Variants in MYO16 observed in about 807,000 individuals in gnomAD.
MYO16 encodes unconventional myosin-XVI.
A neutral mutation model predicts 205.3 loss-of-function variants in MYO16; 94 were observed. The ratio of observed to expected loss-of-function variants is 0.46; its 90% CI spans 0.39 to 0.54. The LOEUF is 0.54. MYO16 is among the 20% of genes least tolerant of loss of function. The probability of loss-of-function intolerance (pLI) is 0.00; values close to 1 mark genes in which losing one functional copy is unlikely to be tolerated. For missense variants in MYO16, 2,315 were observed against 2,387.5 expected, an observed-to-expected ratio of 0.97 and a Z score of 0.63; for synonymous variants, 988 against 954.0, an observed-to-expected ratio of 1.04 and a Z score of -0.66.
At chr13:109,001,808 G>C (rs1416371146) in intron 21 of MYO16, among the ~76,000 whole-genome samples, 1 of 151,928 alleles carries the variant, frequency 6.6e-6, no homozygotes, top group Non-Finnish European at 1.5e-5. Flanking sequence ...TCCCCAATGG[G>C]CTTCTGCTTA....
chr13:108,821,664 G>A (rs919579816), intron 8 of MYO16, among the ~76,000 whole-genome samples: 36 of 152,066 alleles, frequency 2.4e-4, no homozygotes, highest in African/African-American at 7.0e-4. Context: ...GACTCCCATG[G>A]CATACTCTCA....
intron 23 of MYO16, among the ~76,000 whole-genome samples, chr13:109,035,657 G>C (rs574926003): frequency 1.3e-5 from 2 of 152,108 alleles, no homozygotes; most frequent in Non-Finnish European, 2.9e-5. Flanking sequence ...GCACTCCAGC[G>C]CGGGTGACAA....
intron 32 of MYO16, chr13:109,164,093 T>G (rs1319424955): frequency 2.0e-5 from 3 of 152,180 alleles, no homozygotes; most frequent in Non-Finnish European, 4.4e-5. Flanking sequence ...CAGGTGCACC[T>G]GTGAAGTCAG....
intron 4 of MYO16, among the ~76,000 whole-genome samples, chr13:108,780,854 G>A (rs753154344): frequency 5.9e-5 from 9 of 152,084 alleles, no homozygotes; most frequent in East Asian, 3.9e-4. Flanking sequence ...TAATAAGGCC[G>A]GCTTCTATAT....
intron 23 of MYO16, among the ~76,000 whole-genome samples, chr13:109,031,435 C>T (rs951900151): frequency 6.6e-6 from 1 of 152,122 alleles, no homozygotes; most frequent in African/African-American, 2.4e-5. Flanking sequence ...TCTGATAACT[C>T]TCTTCAAAGT....
At chr13:108,820,244 C>T (rs975450639) in intron 7 of MYO16, 93 bp from the exon 8 acceptor site, 19 of 867,666 alleles carry the variant, frequency 2.2e-5, no homozygotes, top group Middle Eastern at 2.4e-4. Context: ...TGTCTCATGC[C>T]GGCTGTTAGT....
chr13:108,968,575 G>A (rs1341424210), intron 20 of MYO16, among the ~76,000 whole-genome samples: 3 of 152,062 alleles, frequency 2.0e-5, no homozygotes, highest in East Asian at 1.9e-4. Flanking sequence ...GCAGTAAGCC[G>A]AGATCGTGCC....
chr13:108,841,799 A>T (rs181803784), intron 9 of MYO16, among the ~76,000 whole-genome samples: 9 of 152,290 alleles, frequency 5.9e-5, no homozygotes, highest in Admixed American at 1.3e-4. Flanking sequence ...GCAAAGTTGA[A>T]AGCATCACAT....
intron 22 of MYO16, among the ~76,000 whole-genome samples, chr13:109,015,325 G>C (rs1475176245): frequency 6.6e-6 from 1 of 152,172 alleles, no homozygotes; most frequent in Admixed American, 6.5e-5. Flanking sequence ...TTTGATCATG[G>C]TGGATAAGCT....
intron 16 of MYO16, among the ~76,000 whole-genome samples, chr13:108,942,101 C>A (rs1044256415): frequency 1.3e-5 from 2 of 152,198 alleles, no homozygotes; most frequent in African/African-American, 2.4e-5. Flanking sequence ...ACCAGAGAGG[C>A]TAACAGGCCT....
rs1346050536 is a variant in MYO16, at chr13:108,991,797, G to T, written c.2370-579G>T. On this transcript the variant is annotated intron_variant, in intron 20 of 34. Transcript: ENST00000457511. The stretch of plus-strand genomic sequence containing the variant: ...GACATGTAGGCTCAGTTCCTTAAGG[G>T]AAAAGAAGTCCAACCTAAGGAGATA... Among the ~76,000 whole-genome samples the T allele has an allele frequency of 3.3e-5, 5 of 152,306 alleles. No individual in the cohort carries two copies. In the East Asian group the frequency reaches 9.6e-4, roughly 29 times the overall value.
chr13:108,586,010 A>G, the MYO16 span, among the ~76,000 whole-genome samples: 1 of 152,210 alleles, frequency 6.6e-6, no homozygotes, highest in African/African-American at 2.4e-5. Flanking sequence ...TAGAAGTTTC[A>G]ATAAGTTACC....
At chr13:108,906,615 C>T (rs1339029374) in intron 15 of MYO16, among the ~76,000 whole-genome samples, 1 of 152,162 alleles carries the variant, frequency 6.6e-6, no homozygotes, top group Admixed American at 6.6e-5. Flanking sequence ...TTATTGCAAA[C>T]AGCCTGGGCT....
chr13:108,771,230 C>T (rs1410118778), intron 4 of MYO16, among the ~76,000 whole-genome samples: 1 of 151,856 alleles, frequency 6.6e-6, no homozygotes, highest in Non-Finnish European at 1.5e-5. Context: ...TTTCTATTAG[C>T]GCATGAATAC....
At chr13:108,676,372 C>CGCGTGTGTGTGTGT (rs1555337822) in intron 2 of MYO16, among the ~76,000 whole-genome samples, 1 of 131,672 alleles carries the variant, frequency 7.6e-6, no homozygotes, top group Non-Finnish European at 1.6e-5. Context: ...TATATGTACG[C>CGCGTGTGTGTGTGT]GTGTGTGTGT....
intron 9 of MYO16, among the ~76,000 whole-genome samples, chr13:108,838,690 T>TAA (rs1487944143): frequency 7.4e-6 from 1 of 135,906 alleles, no homozygotes; most frequent in South Asian, 2.3e-4. Context: ...TATATATATA[T>TAA]ACACACACAC....
At chr13:108,913,752 T>C (rs186320369) in intron 16 of MYO16, among the ~76,000 whole-genome samples, 1 of 152,350 alleles carries the variant, frequency 6.6e-6, no homozygotes, top group African/African-American at 2.4e-5. Context: ...GGACGAACTA[T>C]AACCTAGCTT....
intron 1 of MYO16, among the ~76,000 whole-genome samples, chr13:108,622,996 A>C (rs1879600401): frequency 6.6e-6 from 1 of 150,720 alleles, no homozygotes; most frequent in South Asian, 2.1e-4. Context: ...AGAGAAAAGG[A>C]AACAAATTTT....
At chr13:108,951,332 CATGAT>C (rs1363318116) in intron 16 of MYO16, among the ~76,000 whole-genome samples, 1 of 152,074 alleles carries the variant, frequency 6.6e-6, no homozygotes, top group Non-Finnish European at 1.5e-5. Context: ...GCCAAAACCT[CATGAT>C]ATGAAGTTAA....
Sources: allele counts gnomAD v4.1 joint callset (sites outside exome capture counted in the v4.1 genomes callset), GRCh38; gene constraint gnomAD v4.1.1; transcripts MANE v1.5; gene names NCBI Gene and HGNC (gene_info 2026-07-23, HGNC 2026-07-21).